NLGN1: variants seen among roughly 807,000 people sequenced by gnomAD.
NLGN1 encodes the protein neuroligin 1.
In NLGN1, 12 loss-of-function variants were observed where a neutral mutation model predicts 65.5. The observed-to-expected ratio is 0.18, with a 90% CI of 0.12 to 0.30. The LOEUF (loss-of-function observed/expected upper bound fraction) is 0.30. NLGN1 is among the 10% of genes least tolerant of loss of function. NLGN1 has a pLI of 1.00. For synonymous variants in NLGN1, 350 were observed against 359.5 expected (o/e 0.97, Z 0.30); for missense variants, 750 against 1,007.1 (o/e 0.74, Z 3.46).
At chr3:173,758,785 A>T (rs1381207919) in intron 3 of NLGN1, among the ~76,000 whole-genome samples, 1 of 152,012 alleles carries the variant, frequency 6.6e-6, no homozygotes, top group Non-Finnish European at 1.5e-5. Context: ...ACCCAATTAC[A>T]TGAAGCTAAA....
At chr3:173,997,835 A>C (rs1722567966) in intron 4 of NLGN1, among the ~76,000 whole-genome samples, 1 of 152,176 alleles carries the variant, frequency 6.6e-6, no homozygotes, top group South Asian at 2.1e-4. Context: ...ACTGAAGTAA[A>C]ATACTAGAAC....
chr3:173,882,267 A>G (rs2150933532), intron 4 of NLGN1, among the ~76,000 whole-genome samples: 1 of 152,208 alleles, frequency 6.6e-6, no homozygotes, highest in Admixed American at 6.5e-5. Context: ...CATGATTCTT[A>G]AGGGCCCTAG....
intron 4 of NLGN1, among the ~76,000 whole-genome samples, chr3:174,211,053 G>A (rs1043047739): frequency 6.6e-6 from 1 of 152,170 alleles, no homozygotes; most frequent in African/African-American, 2.4e-5. Context: ...TGTGTTCGGA[G>A]TTTCTTCCTT....
intron 2 of NLGN1, among the ~76,000 whole-genome samples, chr3:173,449,873 T>C (rs1355152705): frequency 6.6e-6 from 1 of 152,212 alleles, no homozygotes; most frequent in African/African-American, 2.4e-5. Flanking sequence ...TATCAGAGAC[T>C]AGGATTGCAA....
chr3:173,944,571 A>T (rs1290953525), intron 4 of NLGN1, among the ~76,000 whole-genome samples: 1 of 152,114 alleles, frequency 6.6e-6, no homozygotes, highest in African/African-American at 2.4e-5. Flanking sequence ...TGGCAAGGCT[A>T]AGAAGGAATG....
At chr3:173,498,743 A>G (rs1175900948) in intron 2 of NLGN1, among the ~76,000 whole-genome samples, 2 of 151,818 alleles carry the variant, frequency 1.3e-5, no homozygotes, top group Non-Finnish European at 2.9e-5. Flanking sequence ...AATGATCGCC[A>G]TTCTAACTGG....
chr3:174,088,230 AAGGTTCAG>A (rs112657878), intron 4 of NLGN1, among the ~76,000 whole-genome samples: 22,126 of 152,032 alleles, frequency 0.15, 1,851 homozygotes, highest in African/African-American at 0.23. Context: ...GAGGCTAGCA[AAGGTTCAG>A]ATACTTTACG....
chr3:174,238,602 C>T (rs372477480), intron 4 of NLGN1, among the ~76,000 whole-genome samples: 17 of 152,208 alleles, frequency 1.1e-4, no homozygotes, highest in East Asian at 1.9e-4. Context: ...ACCTTTGATC[C>T]GCCCACCTTG....
intron 2 of NLGN1, among the ~76,000 whole-genome samples, chr3:173,588,844 T>A (rs1747952238): frequency 6.6e-6 from 1 of 152,182 alleles, no homozygotes; most frequent in African/African-American, 2.4e-5. Flanking sequence ...TATTATTTAA[T>A]TTTCTTCCTA....
At chr3:173,450,715 T>C (rs1671757240) in intron 2 of NLGN1, among the ~76,000 whole-genome samples, 1 of 152,262 alleles carries the variant, frequency 6.6e-6, no homozygotes, top group African/African-American at 2.4e-5. Flanking sequence ...GACGTAGTTT[T>C]GGTCTTTTCA....
At chr3:173,840,053 A>G (rs1321288214) in intron 4 of NLGN1, among the ~76,000 whole-genome samples, 1 of 152,206 alleles carries the variant, frequency 6.6e-6, no homozygotes, top group African/African-American at 2.4e-5. Context: ...AAATCGCAAC[A>G]TCGACATATT....
At chr3:174,153,451 G>A (rs934638642) in intron 4 of NLGN1, among the ~76,000 whole-genome samples, 1 of 152,002 alleles carries the variant, frequency 6.6e-6, no homozygotes, top group Non-Finnish European at 1.5e-5. Flanking sequence ...AGAGAAAATT[G>A]CAGTGAATAT....
intron 2 of NLGN1, among the ~76,000 whole-genome samples, chr3:173,548,616 G>C (rs1740314195): frequency 6.6e-6 from 1 of 151,914 alleles, no homozygotes; most frequent in African/African-American, 2.4e-5. Flanking sequence ...TGTGATTTTA[G>C]TTTGGTAATG....
At chr3:174,098,985 C>A (rs185059690) in intron 4 of NLGN1, among the ~76,000 whole-genome samples, 1 of 152,184 alleles carries the variant, frequency 6.6e-6, no homozygotes, top group African/African-American at 2.4e-5. Context: ...AATGAAAATG[C>A]CACAAAATTA....
intron 3 of NLGN1, among the ~76,000 whole-genome samples, chr3:173,717,073 G>A (rs1421315226): frequency 2.0e-5 from 3 of 152,082 alleles, no homozygotes; most frequent in Non-Finnish European, 2.9e-5. Context: ...CCACTTTTAA[G>A]CCCATCCTTG....
chr3:174,066,676 C>T (rs1053845900), intron 4 of NLGN1, among the ~76,000 whole-genome samples: 4 of 151,532 alleles, frequency 2.6e-5, no homozygotes, highest in African/African-American at 9.7e-5. Flanking sequence ...ATATGTATTA[C>T]ATGATCTAAA....
chr3:173,785,937 C>T (rs1781887541), intron 3 of NLGN1, among the ~76,000 whole-genome samples: 1 of 152,090 alleles, frequency 6.6e-6, no homozygotes, highest in South Asian at 2.1e-4. Context: ...TTTCATTTTA[C>T]TCCCCAGTGA....
At chr3:174,100,295 T>C (rs1712125403) in intron 4 of NLGN1, among the ~76,000 whole-genome samples, 1 of 152,054 alleles carries the variant, frequency 6.6e-6, no homozygotes, top group Non-Finnish European at 1.5e-5. Context: ...AAAAACTTTA[T>C]TTTAATTTTA....
chr3:174,014,512 A>C (rs1158460304), intron 4 of NLGN1, among the ~76,000 whole-genome samples: 2 of 152,198 alleles, frequency 1.3e-5, no homozygotes, highest in Non-Finnish European at 2.9e-5. Flanking sequence ...CTCAATGGCT[A>C]CATGTGCCAC....
Sources: allele counts gnomAD v4.1 joint callset (sites outside exome capture counted in the v4.1 genomes callset), GRCh38; gene constraint gnomAD v4.1.1; transcripts MANE v1.5; gene names NCBI Gene and HGNC (gene_info 2026-07-23, HGNC 2026-07-21).